STXBP5L: variants seen among roughly 807,000 people sequenced by gnomAD.
STXBP5L encodes syntaxin-binding protein 5-like.
STXBP5L carries 65 observed loss-of-function variants against 144.5 expected under a neutral mutation model. The ratio of observed to expected loss-of-function variants is 0.45; its 90% confidence interval spans 0.37 to 0.55. The LOEUF (loss-of-function observed/expected upper bound fraction) is 0.55, where lower values mean the gene tolerates loss of function less well. Among genes scored for constraint, STXBP5L ranks in the 20% least tolerant of loss-of-function variants. STXBP5L has a pLI of 0.00. For missense variants in STXBP5L, 1,298 were observed against 1,405.5 expected, an observed-to-expected ratio of 0.92 and a Z score of 1.22; for synonymous variants, 505 against 469.6, an observed-to-expected ratio of 1.08 and a Z score of -0.97.
chr3:121,145,370 T>C (rs2045675143), intron 7 of STXBP5L, among the ~76,000 whole-genome samples: 1 of 151,246 alleles, frequency 6.6e-6, no homozygotes, highest in Non-Finnish European at 1.5e-5. Context: ...ATCTTTATGA[T>C]GCTGAAAAAG....
chr3:121,321,146 C>A (rs2043957026), intron 20 of STXBP5L, among the ~76,000 whole-genome samples: 1 of 152,196 alleles, frequency 6.6e-6, no homozygotes, highest in Non-Finnish European at 1.5e-5. Flanking sequence ...TTTGTCACTT[C>A]AATACCTTAC....
intron 7 of STXBP5L, among the ~76,000 whole-genome samples, chr3:121,138,156 C>G (rs2045346653): frequency 6.6e-6 from 1 of 151,584 alleles, no homozygotes; most frequent in South Asian, 2.1e-4. Context: ...AAGAAATAAA[C>G]AATTCTATTT....
intron 5 of STXBP5L, among the ~76,000 whole-genome samples, chr3:121,050,007 G>A (rs991613592): frequency 2.6e-5 from 4 of 152,144 alleles, no homozygotes; most frequent in South Asian, 2.1e-4. Context: ...CTCACTCACT[G>A]TTCCCTGTGA....
chr3:120,926,609 TA>T (rs569219077), intron 2 of STXBP5L, among the ~76,000 whole-genome samples: 134 of 152,240 alleles, frequency 8.8e-4, no homozygotes, highest in Non-Finnish European at 1.7e-3. Flanking sequence ...AGTTTTCTGT[TA>T]TTATTTCTTT....
chr3:120,987,219 G>A (rs940539894), intron 3 of STXBP5L, among the ~76,000 whole-genome samples: 6 of 151,848 alleles, frequency 4.0e-5, no homozygotes, highest in South Asian at 4.1e-4. Context: ...CAGAGTAGTC[G>A]TACAATTTTG....
At chr3:121,312,446 C>CTTTTTT (rs58989280) in intron 19 of STXBP5L, among the ~76,000 whole-genome samples, 7 of 12,754 alleles carry the variant, frequency 5.5e-4, no homozygotes, top group African/African-American at 1.7e-3. Flanking sequence ...GTATGTCAAT[C>CTTTTTT]TTTTTTTTTT....
intron 19 of STXBP5L, among the ~76,000 whole-genome samples, chr3:121,291,172 A>G (rs1017900873): frequency 2.0e-5 from 3 of 152,056 alleles, no homozygotes; most frequent in African/African-American, 4.8e-5. Flanking sequence ...TCCAAAAAGC[A>G]CATGGATCTG....
At chr3:121,078,795 A>G (rs2042133657) in intron 5 of STXBP5L, among the ~76,000 whole-genome samples, 2 of 152,264 alleles carry the variant, frequency 1.3e-5, no homozygotes, top group African/African-American at 2.4e-5. Context: ...CCGCTGGCCC[A>G]GGTGCTAAGC....
intron 20 of STXBP5L, among the ~76,000 whole-genome samples, chr3:121,353,016 A>C (rs1323460692): frequency 6.6e-6 from 1 of 152,192 alleles, no homozygotes; most frequent in African/African-American, 2.4e-5. Context: ...CCAGCATTGC[A>C]TCCCAGGGAG....
Position 121,194,565 on chromosome 3 carries a change from A to G in STXBP5L, c.878-11358A>G, listed in dbSNP as rs183906841. Among the ~76,000 whole-genome samples, 4 of 152,016 alleles carry G rather than the reference A, an allele frequency of 2.6e-5. No individual in the cohort carries two copies. In the East Asian group the frequency reaches 7.7e-4, roughly 29 times the overall value. On this transcript the variant is annotated intron_variant, in intron 9 of 26. Transcript: ENST00000471454. ...CATTTAGAGGACATAACAGACTGCT[A>G]TAAGAAGTGGCCTCATAGAATGAGT...
chr3:120,973,307 A>G (rs541013387), intron 3 of STXBP5L, among the ~76,000 whole-genome samples: 6 of 151,978 alleles, frequency 3.9e-5, no homozygotes, highest in Admixed American at 2.0e-4. Flanking sequence ...GGGCAGTTAT[A>G]TGTTTTCAAG....
chr3:121,343,296 C>T (rs1215699134), intron 20 of STXBP5L, among the ~76,000 whole-genome samples: 1 of 152,014 alleles, frequency 6.6e-6, no homozygotes, highest in Non-Finnish European at 1.5e-5. Context: ...TGTAGGTTGG[C>T]TGTTCACTCT....
intron 18 of STXBP5L, among the ~76,000 whole-genome samples, chr3:121,269,703 C>G (rs2050681013): frequency 6.6e-6 from 1 of 152,146 alleles, no homozygotes; most frequent in Non-Finnish European, 1.5e-5. Flanking sequence ...CAAATATTCT[C>G]TGGGGAAGAA....
chr3:120,995,371 C>A (rs1943258132), intron 3 of STXBP5L, among the ~76,000 whole-genome samples: 1 of 152,078 alleles, frequency 6.6e-6, no homozygotes, highest in South Asian at 2.1e-4. Flanking sequence ...TGATCTTGAA[C>A]TCCTGGGCTC....
chr3:120,999,367 G>A (rs1241807902), intron 3 of STXBP5L, among the ~76,000 whole-genome samples: 1 of 152,056 alleles, frequency 6.6e-6, no homozygotes, highest in Non-Finnish European at 1.5e-5. Context: ...TTTAAAGTTT[G>A]TTTTATCTGA....
intron 7 of STXBP5L, among the ~76,000 whole-genome samples, chr3:121,147,133 A>G (rs2045742132): frequency 1.3e-5 from 2 of 152,224 alleles, no homozygotes; most frequent in South Asian, 4.1e-4. Context: ...ATAATACATT[A>G]TGTATATAGT....
intron 3 of STXBP5L, among the ~76,000 whole-genome samples, chr3:120,986,660 CCTGTT>C (rs1353127447): frequency 6.6e-6 from 1 of 151,744 alleles, no homozygotes; most frequent in Non-Finnish European, 1.5e-5. Context: ...TATAGACACA[CCTGTT>C]CTGATAACAT....
intron 3 of STXBP5L, among the ~76,000 whole-genome samples, chr3:121,006,203 C>T (rs1944285767): frequency 6.6e-6 from 1 of 152,104 alleles, no homozygotes; most frequent in African/African-American, 2.4e-5. Flanking sequence ...CTTTGTGGGT[C>T]TCTAAGGACT....
At position 121,378,226 on chromosome 3, in the gene STXBP5L, G is replaced by T. The variant is rs372613965; in HGVS notation, c.2177-490G>T. Among the ~76,000 whole-genome samples, 51 of 151,814 alleles carry T rather than the reference G, an allele frequency of 3.4e-4. 1 individual carries two copies. In the East Asian group the frequency reaches 3.5e-3, roughly 10 times the overall value. On this transcript the variant is annotated intron_variant, in intron 20 of 26. Coordinates refer to ENST00000471454, the MANE Select transcript of STXBP5L (RefSeq NM_001308330.2). ...GGACAAATACCTAATGCATGTGGGGGTTAAAACCTAGAAGACAGGTTTATA... is the reference window on the plus strand; with the variant it reads ...GGACAAATACCTAATGCATGTGGGGTTTAAAACCTAGAAGACAGGTTTATA...
Sources: gnomAD v4.1 joint callset for allele counts (sites outside exome capture counted in the v4.1 genomes callset) on GRCh38, gnomAD v4.1.1 for gene constraint, MANE v1.5 for transcripts, NCBI Gene and HGNC (gene_info 2026-07-23, HGNC 2026-07-21) for gene names.